Variants in MYO5C observed in about 807,000 individuals in gnomAD.
MYO5C encodes myosin VC.
MYO5C carries 194 observed loss-of-function variants against 235.7 expected under a neutral mutation model. The ratio of observed to expected loss-of-function variants is 0.82; its 90% CI spans 0.73 to 0.93. The LOEUF is 0.93. Among genes scored for constraint, MYO5C ranks in the 40% least tolerant of loss-of-function variants. The pLI is 0.00. For missense variants in MYO5C, 2,038 were observed against 2,127.2 expected (o/e 0.96, Z 0.82); for synonymous variants, 707 against 754.8 (o/e 0.94, Z 1.04).
chr15:52,291,784 G>T (rs1275542746), intron 1 of MYO5C, among the ~76,000 whole-genome samples: 1 of 115,282 alleles, frequency 8.7e-6, no homozygotes, highest in East Asian at 2.2e-4. Context: ...TGTCGCCCAG[G>T]CTGGAGTGCA....
intron 7 of MYO5C, among the ~76,000 whole-genome samples, chr15:52,270,615 T>A (rs576506636): frequency 6.0e-5 from 9 of 150,670 alleles, no homozygotes; most frequent in Non-Finnish European, 1.2e-4. Flanking sequence ...CATTTATATA[T>A]GTATATATAA....
chr15:52,239,456 T>G (rs1029737750), intron 21 of MYO5C, among the ~76,000 whole-genome samples: 13 of 152,118 alleles, frequency 8.5e-5, no homozygotes, highest in African/African-American at 3.1e-4. Flanking sequence ...CAACACAACT[T>G]CACACAGGAA....
In MYO5C at chr15:52,248,740, G is replaced by C. The variant is rs1596190519; in HGVS notation, c.1706C>G (p.Thr569Ser). ...GATTTCAACCAGCATGTCATAGACG[G>C]TGTCTCTGTTTTTCTCCAGGAAACC... ...CEGFLEKNRD[T>S]VYDMLVEILR... is the part of the protein sequence containing the mutation. The change falls in exon 14 of 41, where the codon ACC becomes AGC. Residue 569 changes from threonine (T) to serine (S), a missense_variant. Coordinates refer to ENST00000261839, the MANE Select transcript of MYO5C (RefSeq NM_018728.4). 7 of 1,614,108 alleles carry C rather than the reference G, an allele frequency of 4.3e-6. No individual in the cohort carries two copies. The highest frequency in any genetic ancestry group is 5.1e-6 in the Non-Finnish European group (6 of 1,179,990).
At chr15:52,232,081 C>T (rs2035962686) in intron 24 of MYO5C, among the ~76,000 whole-genome samples, 1 of 144,282 alleles carries the variant, frequency 6.9e-6, no homozygotes, top group South Asian at 2.1e-4. Context: ...GAATTTTGCA[C>T]TGTCTTAGCA....
chr15:52,205,478 A>G (rs1261006159), intron 37 of MYO5C: 1 of 351,002 alleles, frequency 2.8e-6, no homozygotes, highest in Non-Finnish European at 5.1e-6. Flanking sequence ...GAAATTAAGG[A>G]AAGTATACAA....
At chr15:52,279,061 C>T (rs1204429073) in intron 3 of MYO5C, 44 bp from the exon 4 acceptor site, 2 of 1,556,548 alleles carry the variant, frequency 1.3e-6, no homozygotes, top group Non-Finnish European at 1.7e-6. Context: ...CTTACTGCCA[C>T]CTGCATCTCC....
At chr15:52,225,397 T>A in intron 26 of MYO5C, 42 bp downstream of exon 26, 1 of 1,454,712 alleles carries the variant, frequency 6.9e-7, no homozygotes, top group East Asian at 2.3e-5. Context: ...TATGATAAAT[T>A]CAGTCTGCAC....
intron 13 of MYO5C, 176 bp downstream of exon 13, chr15:52,251,214 T>C (rs1035837140): frequency 6.5e-6 from 3 of 462,050 alleles, no homozygotes; most frequent in Non-Finnish European, 3.6e-6. Context: ...AGTAGTACAG[T>C]TGGAACTCAT....
chr15:52,277,932 A>G, intron 4 of MYO5C: 1 of 456,042 alleles, frequency 2.2e-6, no homozygotes, highest in South Asian at 1.5e-5. Context: ...ACGAAGACAT[A>G]AAGCGGAGGG....
Position 52,239,801 on chromosome 15 carries a change from G to A in MYO5C, c.2635C>T (p.Arg879Ter), listed in dbSNP as rs770376398. Residue 879 changes from arginine (R) to a stop codon, truncating the protein, a stop_gained, in exon 21 of 41, where the codon CGA (arginine) becomes TGA (stop). Transcript: ENST00000261839. LOFTEE classifies it high-confidence loss of function. Reference protein sequence around the residue: ...WLARRRFQSIRRFVLNIQLTY... With the variant: ...WLARRRFQSI ...AGCTGAATATTAAGCACGAATCGTC[G>A]GATACTCTGGAATCTGCGTCTGGCC... The A allele has an allele frequency of 6.2e-6, 10 of 1,613,500 alleles. No homozygotes were observed. Among genetic ancestry groups the A allele is most frequent in the African/African-American group, 4.0e-5 (3 of 74,876 alleles).
chr15:52,295,325 A>G (rs1055269948), intron 1 of MYO5C, among the ~76,000 whole-genome samples: 3 of 152,092 alleles, frequency 2.0e-5, no homozygotes, highest in Non-Finnish European at 2.9e-5. Flanking sequence ...GGCCCCTCCC[A>G]CAGGGTCTTC....
Position 52,219,781 on chromosome 15 carries a change from C to T in MYO5C, c.3763G>A (p.Glu1255Lys), listed in dbSNP as rs1267642011. The change falls in exon 31 of 41, where the codon GAG (glutamate) becomes AAG (lysine). Residue 1255 changes from glutamate (E) to lysine (K), a missense_variant. Transcript: ENST00000261839. Reference protein sequence around the residue: ...ELSNQLHRSQEEEGTQRKALE... With the variant: ...ELSNQLHRSQKEEGTQRKALE... ...TACTTTCTTTGTGTTCCTTCCTCCT[C>T]TTGACTGCGATGTAACTGATTAGAC... 6.2e-7 allele frequency: 1 copy of T among 1,612,702 alleles called. No homozygotes were observed. The highest frequency in any genetic ancestry group is 1.1e-5 in the South Asian group (1 of 90,826).
chr15:52,207,281 G>A (rs1443338345), intron 36 of MYO5C, among the ~76,000 whole-genome samples: 5 of 152,170 alleles, frequency 3.3e-5, no homozygotes, highest in South Asian at 4.1e-4. Flanking sequence ...GGCTGAAGGG[G>A]GCAAAGAAAG....
intron 1 of MYO5C, among the ~76,000 whole-genome samples, chr15:52,284,566 C>T (rs934807651): frequency 6.6e-6 from 1 of 152,114 alleles, no homozygotes; most frequent in Non-Finnish European, 1.5e-5. Flanking sequence ...TCAGACAATG[C>T]AGACTTAAGA....
At chr15:52,260,211 C>G (rs1005950919) in intron 10 of MYO5C, among the ~76,000 whole-genome samples, 10 of 152,192 alleles carry the variant, frequency 6.6e-5, no homozygotes, top group Non-Finnish European at 5.9e-5. Context: ...GAAAAAGAAC[C>G]CAACTCCAGG....
chr15:52,261,010 T>G lies in MYO5C; in HGVS notation c.1165A>C (p.Met389Leu). The change falls in exon 10 of 41, where the codon ATG (methionine) becomes CTG (leucine). Residue 389 changes from methionine (M) to leucine (L), a missense_variant. Transcript: ENST00000261839. Reference sequence around the variant, plus strand: ...GCGTTGACAGCCTGAGGCCTGGTCATGGGTTTTACCACCGTCTCAGAGCTT... The same window carrying G: ...GCGTTGACAGCCTGAGGCCTGGTCAGGGGTTTTACCACCGTCTCAGAGCTT... ...VTSSETVVKP[M>L]TRPQAVNARD... The G allele has an allele frequency of 6.2e-7, 1 of 1,614,234 alleles. No homozygotes were observed. Among genetic ancestry groups the G allele is most frequent in the African/African-American group, 1.3e-5 (1 of 75,064 alleles).
At chr15:52,272,822 G>C in intron 5 of MYO5C, 99 bp from the exon 6 acceptor site, 1 of 1,219,558 alleles carries the variant, frequency 8.2e-7, no homozygotes, top group Non-Finnish European at 1.2e-6. Context: ...TGTACCCTAG[G>C]GGAAGGTCTG....
At chr15:52,288,211 C>G (rs1000814652) in intron 1 of MYO5C, among the ~76,000 whole-genome samples, 3 of 152,134 alleles carry the variant, frequency 2.0e-5, no homozygotes, top group East Asian at 1.9e-4. Context: ...AGGACCAGGA[C>G]TCCAGCAGAG....
chr15:52,267,817 T>C (rs567732912), intron 8 of MYO5C, among the ~76,000 whole-genome samples: 134 of 152,130 alleles, frequency 8.8e-4, no homozygotes, highest in Middle Eastern at 3.4e-3. Flanking sequence ...GAGGACATAA[T>C]AGAGGTGGGA....
Sources: gnomAD v4.1 joint callset for allele counts (sites outside exome capture counted in the v4.1 genomes callset) on GRCh38, gnomAD v4.1.1 for gene constraint, MANE v1.5 for transcripts, NCBI Gene and HGNC (gene_info 2026-07-23, HGNC 2026-07-21) for gene names.